CCNT2: variants seen among roughly 807,000 people sequenced by gnomAD.
The protein encoded by CCNT2 is cyclin-T2.
A neutral mutation model predicts 70.0 loss-of-function variants in CCNT2; 18 were observed. That is an observed-to-expected ratio of 0.26 (90% CI 0.18 to 0.38). CCNT2 has a LOEUF of 0.38. Among genes scored for constraint, CCNT2 ranks in the 10% least tolerant of loss-of-function variants. The probability of loss-of-function intolerance (pLI) is 1.00; values close to 1 mark genes in which losing one functional copy is unlikely to be tolerated. For missense variants in CCNT2, 734 were observed against 890.2 expected, an observed-to-expected ratio of 0.82 and a Z score of 2.23; for synonymous variants, 334 against 313.3, an observed-to-expected ratio of 1.07 and a Z score of -0.70.
At chr2:134,932,026 C>T (rs1488059375) in intron 2 of CCNT2, among the ~76,000 whole-genome samples, 2 of 151,902 alleles carry the variant, frequency 1.3e-5, no homozygotes, top group Non-Finnish European at 2.9e-5. Flanking sequence ...GACAGTCTCA[C>T]TCTGTCACCC....
Position 134,954,230 on chromosome 2 carries a change from A to G in CCNT2, c.1775A>G (p.Asp592Gly). ...SSSGGSKHSADGIPPTVLRSP... is the reference protein window; with the variant it reads ...SSSGGSKHSAGGIPPTVLRSP... ...AGCGGTGGCAGTAAACACAGTGCCG[A>G]CGGAATACCACCCACTGTTCTGAGG... Residue 592 changes from aspartate to glycine, a missense_variant, in exon 9 of 9, where the codon GAC becomes GGC. Asp to Gly is a moderately conservative substitution (Grantham distance 94). Around this residue, in one of 3 missense-constraint regions of CCNT2, gnomAD observed 532 missense variants for 556.9 expected, o/e 0.96. Coordinates refer to ENST00000264157, the MANE Select transcript of CCNT2 (RefSeq NM_058241.3). 1 of 1,614,144 alleles carries G rather than the reference A, an allele frequency of 6.2e-7. No individual in the cohort carries two copies. The highest frequency in any genetic ancestry group is 1.1e-5 in the South Asian group (1 of 91,080).
chr2:134,954,182 C>T lies in CCNT2; in HGVS notation c.1727C>T (p.Ser576Phe). 1.2e-6 allele frequency: 2 copies of T among 1,614,168 alleles called. No individual in the cohort carries two copies. The highest frequency in any genetic ancestry group is 1.3e-5 in the African/African-American group (1 of 75,036). ...CACCACACCAGCAGCCACAAGCATT[C>T]CCACTCGCATAGTGGCAGCAGCAGC... The part of the protein sequence containing the change: ...SRHHTSSHKH[S>F]HSHSGSSSGG... The change falls in exon 9 of 9, where the codon TCC becomes TTC. Residue 576 changes from serine (S) to phenylalanine (F), a missense_variant. Ser to Phe is a radical substitution (Grantham distance 155, BLOSUM62 -2). Transcript: ENST00000264157.
At position 134,953,452 on chromosome 2, in the gene CCNT2, A is replaced by C. The variant is rs377180297; in HGVS notation, c.997A>C (p.Met333Leu). The change falls in exon 9 of 9, where the codon ATG (methionine) becomes CTG (leucine). Residue 333 changes from methionine to leucine, a missense_variant. Coordinates refer to ENST00000264157, the MANE Select transcript of CCNT2 (RefSeq NM_058241.3). ...QDSHTSDNLS[M>L]LATGMPSTSY... ...CAGCCATACATCTGATAATTTGTCA[A>C]TGCTAGCAACAGGAATGCCAAGTAC... The C allele has an allele frequency of 5.6e-6, 9 of 1,613,790 alleles. No homozygotes were observed. The highest frequency in any genetic ancestry group is 7.6e-6 in the Non-Finnish European group (9 of 1,179,766).
In CCNT2 at chr2:134,958,601, A is replaced by G. The variant is rs1399796158; in HGVS notation, c.*3953A>G. 6.6e-6 allele frequency: 1 copy of G among 152,260 alleles called. No homozygotes were observed. The highest frequency in any genetic ancestry group is 1.5e-5 in the Non-Finnish European group (1 of 68,044). 9.4% of individuals were successfully genotyped at this position (152,260 alleles called of 1,614,324 possible). A position where few individuals can be genotyped will look rare whatever the true frequency, so the allele number is the denominator to read the frequency against. On this transcript the variant is annotated 3_prime_UTR_variant, in exon 9 of 9. Coordinates refer to ENST00000264157, the MANE Select transcript of CCNT2 (RefSeq NM_058241.3). ...GAGAATCACATTCTGATACGTTAAT[A>G]TCAGAAATCAGTGAGCAACCTAATT...
intron 5 of CCNT2, 60 bp downstream of exon 5, chr2:134,942,734 T>C (rs1681666397): frequency 1.4e-6 from 2 of 1,470,192 alleles, no homozygotes; most frequent in East Asian, 4.8e-5. Context: ...CTGTAATTGA[T>C]TTGGGTGCTA....
At chr2:134,930,413 C>CTT (rs1221735385) in intron 2 of CCNT2, among the ~76,000 whole-genome samples, 1 of 152,152 alleles carries the variant, frequency 6.6e-6, no homozygotes, top group African/African-American at 2.4e-5. Flanking sequence ...GTTGATTACA[C>CTT]TTAACAGCCA....
Position 134,954,540 on chromosome 2 carries a change from C to T in CCNT2, c.2085C>T (p.Asn695=), listed in dbSNP as rs1162770855. 10 of 1,613,960 alleles carry T rather than the reference C, an allele frequency of 6.2e-6. No homozygotes were observed. The highest frequency in any genetic ancestry group is 8.5e-6 in the Non-Finnish European group (10 of 1,179,840). ...TGGACAAGAAGCCAGTGGAGACCAA[C>T]GGTCCTGATGCCAATCACGAGTACA... ...VKLDKKPVET[N]GPDANHEYST... The change falls in exon 9 of 9, where the codon AAC becomes AAT. Residue 695 remains asparagine, a synonymous_variant. Coordinates refer to ENST00000264157, the MANE Select transcript of CCNT2 (RefSeq NM_058241.3).
Position 134,954,463 on chromosome 2 carries a change from C to A in CCNT2, c.2008C>A (p.Pro670Thr). Residue 670 changes from proline (P) to threonine (T), a missense_variant, in exon 9 of 9, where the codon CCC (proline) becomes ACC (threonine). Transcript: ENST00000264157. Reference protein sequence around the residue: ...SVFNHPLPPPPPVTYQVGYGH... With the variant: ...SVFNHPLPPPTPVTYQVGYGH... ...TTTTAACCATCCCTTACCCCCTCCTCCCCCTGTCACATACCAGGTGGGCTA... is the reference window on the plus strand; with the variant it reads ...TTTTAACCATCCCTTACCCCCTCCTACCCCTGTCACATACCAGGTGGGCTA... The A allele has an allele frequency of 1.9e-6, 3 of 1,614,174 alleles. No individual in the cohort carries two copies. The highest frequency in any genetic ancestry group is 1.1e-5 in the South Asian group (1 of 91,082).
At chr2:134,921,318 A>G (rs1984559) in intron 2 of CCNT2, among the ~76,000 whole-genome samples, 40,503 of 151,906 alleles carry the variant, frequency 0.27, 5,825 homozygotes, top group Middle Eastern at 0.58. Context: ...CCAATAAATG[A>G]TCTAGCCACA....
At chr2:134,943,910 GA>G in intron 5 of CCNT2, 2 of 969,452 alleles carry the variant, frequency 2.1e-6, no homozygotes, top group African/African-American at 1.8e-5. Context: ...TACGACTTTT[GA>G]AAATCTTTTG....
intron 4 of CCNT2, among the ~76,000 whole-genome samples, chr2:134,940,505 C>T (rs78085498): frequency 0.35 from 52,680 of 151,852 alleles, 9,911 homozygotes; most frequent in Middle Eastern, 0.67. Flanking sequence ...TGGCTCTATT[C>T]GCAGTTAAGA....
At chr2:134,932,087 C>T (rs1169326252) in intron 2 of CCNT2, among the ~76,000 whole-genome samples, 1 of 151,878 alleles carries the variant, frequency 6.6e-6, no homozygotes, top group Admixed American at 6.6e-5. Context: ...CAGGTTCAAG[C>T]GATTCCCCTG....
rs112471982 is a variant in CCNT2, at chr2:134,931,262, C to CTTTTTTTTTTTTT, written c.241-5566_241-5554dup. ...CAGGCATAAGCCACCATGCCCGGAT[C>CTTTTTTTTTTTTT]TTTTTTTTTTTTTTTTTTTTTTTTT... On this transcript the variant is annotated intron_variant, in intron 2 of 8. Coordinates refer to ENST00000264157, the MANE Select transcript of CCNT2 (RefSeq NM_058241.3). Among the ~76,000 whole-genome samples the CTTTTTTTTTTTTT allele has an allele frequency of 3.2e-3, 134 of 42,420 alleles. 30 individuals carry two copies. In the East Asian group the frequency reaches 0.11, roughly 35 times the overall value. The allele number at this position is 42,420 out of a possible 152,430, so 27.8% of individuals were successfully genotyped here.
Position 134,928,274 on chromosome 2 carries a change from C to CTTTTTTTTTTTTTTTTTTTTTT in CCNT2, c.240+8402_240+8403insTTTTTTTTTTTTTTTTTTTTTT, listed in dbSNP as rs551173090. ...CCATGCCCGGCCTCACATTGTATTT[C>CTTTTTTTTTTTTTTTTTTTTTT]TTTTTTTTTTTTTTTTTTTCTGAGA... On this transcript the variant is annotated intron_variant, in intron 2 of 8. Transcript: ENST00000264157. Among the ~76,000 whole-genome samples, 97 of 96,384 alleles carry CTTTTTTTTTTTTTTTTTTTTTT rather than the reference C, an allele frequency of 1.0e-3. 7 individuals carry two copies. The highest frequency in any genetic ancestry group is 2.5e-3 in the East Asian group (8 of 3,162). The allele number at this position is 96,384 out of a possible 152,430, so 63.2% of individuals were successfully genotyped here.
At chr2:134,950,922 G>A (rs565206260) in intron 7 of CCNT2, among the ~76,000 whole-genome samples, 23 of 152,124 alleles carry the variant, frequency 1.5e-4, no homozygotes, top group African/African-American at 4.8e-4. Context: ...TACATTTTGT[G>A]TACGAGATTT....
At chr2:134,921,963 C>CT (rs1321742745) in intron 2 of CCNT2, among the ~76,000 whole-genome samples, 1 of 152,028 alleles carries the variant, frequency 6.6e-6, no homozygotes, top group Non-Finnish European at 1.5e-5. Context: ...TATCTGTTGT[C>CT]TTTTTTTACC....
intron 7 of CCNT2, among the ~76,000 whole-genome samples, chr2:134,949,699 G>A (rs765889247): frequency 1.3e-5 from 2 of 151,238 alleles, no homozygotes; most frequent in Non-Finnish European, 2.9e-5. Context: ...CTAAAACTCA[G>A]TGAGGGCTTA....
intron 1 of CCNT2, among the ~76,000 whole-genome samples, chr2:134,919,328 C>T (rs1026605343): frequency 6.6e-6 from 1 of 152,144 alleles, no homozygotes; most frequent in Non-Finnish European, 1.5e-5. Flanking sequence ...AAAGGGGCGG[C>T]TCCCTGGACT....
At position 134,919,134 on chromosome 2, in the gene CCNT2, G is replaced by C. The variant is rs1037471372; in HGVS notation, c.158+122G>C. On this transcript the variant is annotated intron_variant, in intron 1 of 8. Transcript: ENST00000264157. ...CGCTGGGCCTCGGCGCCGCGGTCAG[G>C]GAAGTAATGTTCCGGCTCGGGCAGT... The C allele has an allele frequency of 2.6e-6, 3 of 1,148,822 alleles. No homozygotes were observed. In the Admixed American group the frequency reaches 8.3e-5, roughly 32 times the overall value. The allele number at this position is 1,148,822 out of a possible 1,614,324, so 71.2% of individuals were successfully genotyped here. A position where few individuals can be genotyped will look rare whatever the true frequency, so the allele number is the denominator to read the frequency against.
Sources: allele counts gnomAD v4.1 joint callset (sites outside exome capture counted in the v4.1 genomes callset), GRCh38; gene constraint gnomAD v4.1.1; regional missense constraint gnomAD v4.1.1; transcripts MANE v1.5; gene names NCBI Gene and HGNC (gene_info 2026-07-23, HGNC 2026-07-21).